The following TEX11 variants were observed in gnomAD, a reference collection of about 807,000 sequenced individuals.
The protein encoded by TEX11 is testis-expressed protein 11.
In TEX11, 7 loss-of-function variants were observed where a neutral mutation model predicts 84.4. The observed-to-expected ratio is 0.08, with a 90% CI of 0.05 to 0.16. TEX11 has a LOEUF of 0.16. Among genes scored for constraint, TEX11 ranks in the 10% least tolerant of loss-of-function variants. The pLI is 1.00. For missense variants in TEX11, 551 were observed against 660.5 expected (o/e 0.83, Z 1.82); for synonymous variants, 264 against 222.8 (o/e 1.18, Z -1.64).
chrX:70,591,855 T>C, intron 24 of TEX11, 32 bp from the exon 25 acceptor site: 1 of 1,101,194 alleles, frequency 9.1e-7, no homozygotes, highest in Non-Finnish European at 1.2e-6. Context: ...AGTTAATTAG[T>C]CCCAACAAAA....
At chrX:70,748,176 T>C (rs2090781994) in intron 9 of TEX11, among the ~76,000 whole-genome samples, 2 of 111,040 alleles carry the variant, frequency 1.8e-5, no homozygotes, top group African/African-American at 6.5e-5. Context: ...TTCAAAGAAA[T>C]GATGGTCTTA....
chrX:70,739,935 G>T (rs201737443), intron 11 of TEX11, among the ~76,000 whole-genome samples: 1 of 111,712 alleles, frequency 9.0e-6, no homozygotes, highest in East Asian at 2.8e-4. Context: ...GGAAATACAG[G>T]CATGTGTCAC....
At chrX:70,759,046 C>T (rs1033045947) in intron 9 of TEX11, among the ~76,000 whole-genome samples, 1 of 111,664 alleles carries the variant, frequency 9.0e-6, no homozygotes, top group African/African-American at 3.3e-5. Context: ...GACACATAAA[C>T]CCTCCCAAGA....
intron 4 of TEX11, among the ~76,000 whole-genome samples, chrX:70,870,550 T>G (rs1157055451): frequency 9.0e-6 from 1 of 111,223 alleles, no homozygotes; most frequent in Admixed American, 9.6e-5. Context: ...TTAGTCAGGA[T>G]GGTCTCAATC....
chrX:70,611,251 T>C (rs2089257165), intron 20 of TEX11, among the ~76,000 whole-genome samples: 1 of 111,710 alleles, frequency 9.0e-6, no homozygotes, highest in Admixed American at 9.5e-5. Context: ...CACTGAAAAA[T>C]TAGTAACTCT....
intron 4 of TEX11, among the ~76,000 whole-genome samples, chrX:70,872,937 A>G (rs956677076): frequency 9.0e-6 from 1 of 111,530 alleles, no homozygotes; most frequent in Non-Finnish European, 1.9e-5. Context: ...CATTTCTTTA[A>G]GTTCTCACTG....
chrX:70,755,663 C>T (rs1456596585), intron 9 of TEX11, among the ~76,000 whole-genome samples: 2 of 112,033 alleles, frequency 1.8e-5, no homozygotes, highest in East Asian at 5.6e-4. Flanking sequence ...CAGTCTGCAG[C>T]TCCCAGCAAG....
At chrX:70,534,016 T>C (rs1279462334) in intron 28 of TEX11, among the ~76,000 whole-genome samples, 1 of 93,498 alleles carries the variant, frequency 1.1e-5, no homozygotes. Context: ...CGCTTGAACC[T>C]GGGAGGCAGA....
At chrX:70,784,136 A>G (rs1314481678) in intron 9 of TEX11, among the ~76,000 whole-genome samples, 1 of 112,135 alleles carries the variant, frequency 8.9e-6, no homozygotes, top group Non-Finnish European at 1.9e-5. Context: ...CACTACGATC[A>G]AGTCAGCTTC....
intron 9 of TEX11, among the ~76,000 whole-genome samples, chrX:70,749,063 T>A (rs1282211142): frequency 9.7e-6 from 1 of 102,895 alleles, no homozygotes. Flanking sequence ...GCATGGAATG[T>A]TCTTCCATTT....
At chrX:70,732,112 G>A (rs2090657354) in intron 11 of TEX11, among the ~76,000 whole-genome samples, 2 of 111,564 alleles carry the variant, frequency 1.8e-5, no homozygotes, top group Admixed American at 1.9e-4. Context: ...AACCCTTCAT[G>A]CTAAAAACTC....
chrX:70,750,365 T>G (rs1397433027), intron 9 of TEX11, among the ~76,000 whole-genome samples: 1 of 111,582 alleles, frequency 9.0e-6, no homozygotes, highest in Non-Finnish European at 1.9e-5. Flanking sequence ...GTCAGTGTGG[T>G]GATTCCTCAG....
At chrX:70,861,765 C>T (rs1279258232) in intron 4 of TEX11, among the ~76,000 whole-genome samples, 1 of 111,167 alleles carries the variant, frequency 9.0e-6, no homozygotes, top group Non-Finnish European at 1.9e-5. Context: ...CCACAACCGG[C>T]CCAGAGAGAT....
At chrX:70,901,401 T>A (rs1199533890) in intron 2 of TEX11, among the ~76,000 whole-genome samples, 1 of 111,556 alleles carries the variant, frequency 9.0e-6, no homozygotes, top group Non-Finnish European at 1.9e-5. Context: ...AATGTGTAAT[T>A]TGGTGATTTT....
At chrX:70,893,375 C>T (rs1239039701) in intron 2 of TEX11, among the ~76,000 whole-genome samples, 1 of 112,026 alleles carries the variant, frequency 8.9e-6, no homozygotes, top group Non-Finnish European at 1.9e-5. Flanking sequence ...AACAGTCTCT[C>T]AGAACACAGT....
intron 14 of TEX11, among the ~76,000 whole-genome samples, chrX:70,679,748 C>G (rs1206405549): frequency 3.7e-5 from 4 of 107,109 alleles, no homozygotes; most frequent in Non-Finnish European, 5.9e-5. Context: ...GTCAGCCCCC[C>G]GCCCGGCCAG....
intron 7 of TEX11, among the ~76,000 whole-genome samples, chrX:70,848,131 C>T (rs765043807): frequency 3.6e-5 from 4 of 111,928 alleles, no homozygotes; most frequent in South Asian, 7.5e-4. Context: ...ACAGGTTACT[C>T]TTCACTAGGT....
At chrX:70,537,910 C>A (rs1442038964) in intron 28 of TEX11, among the ~76,000 whole-genome samples, 1 of 111,392 alleles carries the variant, frequency 9.0e-6, no homozygotes, top group African/African-American at 3.3e-5. Flanking sequence ...CAGGACATGA[C>A]AACATTGGTG....
chrX:70,618,690 G>A (rs997405155), intron 20 of TEX11, among the ~76,000 whole-genome samples: 2 of 111,789 alleles, frequency 1.8e-5, no homozygotes, highest in Admixed American at 9.5e-5. Flanking sequence ...CTTTGCTTAC[G>A]CAGTGGTAGA....
Sources: allele counts gnomAD v4.1 joint callset (sites outside exome capture counted in the v4.1 genomes callset), GRCh38; gene constraint gnomAD v4.1.1; transcripts MANE v1.5; gene names NCBI Gene and HGNC (gene_info 2026-07-23, HGNC 2026-07-21).